The following FHIT variants were observed in gnomAD, a reference collection of about 807,000 sequenced individuals.
FHIT encodes the protein fragile histidine triad diadenosine triphosphatase.
Under a neutral mutation model 17.9 loss-of-function variants are expected in FHIT, and 19 were observed. The observed-to-expected ratio is 1.06, with a 90% CI of 0.74 to 1.56. The LOEUF is 1.56. Ranked by LOEUF, FHIT falls within the 40% of genes most tolerant of loss-of-function variation. The probability of loss-of-function intolerance (pLI) is 0.00; values close to 1 mark genes in which losing one functional copy is unlikely to be tolerated. For synonymous variants in FHIT, 81 were observed against 69.7 expected (o/e 1.16, Z -0.81); for missense variants, 248 against 189.2 (o/e 1.31, Z -1.82).
At chr3:61,216,954 T>G (rs557642751) in intron 1 of FHIT, among the ~76,000 whole-genome samples, 2 of 124,254 alleles carry the variant, frequency 1.6e-5, no homozygotes, top group African/African-American at 6.3e-5. Flanking sequence ...TGAGAACACA[T>G]GGACACAGGA....
At chr3:60,523,474 G>A (rs1196026373) in intron 5 of FHIT, among the ~76,000 whole-genome samples, 1 of 152,076 alleles carries the variant, frequency 6.6e-6, no homozygotes, top group East Asian at 1.9e-4. Context: ...ATCAGAAGAA[G>A]GTTTCATCAA....
chr3:60,963,618 T>C (rs1385809429), intron 3 of FHIT, among the ~76,000 whole-genome samples: 3 of 152,230 alleles, frequency 2.0e-5, no homozygotes, highest in Admixed American at 2.0e-4. Flanking sequence ...CCAGAGATTC[T>C]GGTATGTTGT....
chr3:59,920,663 T>C (rs190389592), intron 8 of FHIT, among the ~76,000 whole-genome samples: 11 of 152,376 alleles, frequency 7.2e-5, no homozygotes, highest in Non-Finnish European at 1.3e-4. Context: ...TTTACTAGTA[T>C]ATAATTCACG....
rs543813792 is a variant in FHIT at position 60,351,684 on chromosome 3, A to G, written c.103+185176T>C. Among the ~76,000 whole-genome samples, 3 of 152,350 alleles carry G rather than the reference A, an allele frequency of 2.0e-5. No individual in the cohort carries two copies. In the East Asian group the frequency reaches 5.8e-4, roughly 29 times the overall value. ...AAAGCAAGATAAACATTCCTATAGA[A>G]TCCTCCTATTACTACTTGCCCTGGG... On this transcript the variant is annotated intron_variant, in intron 5 of 9. Coordinates refer to ENST00000492590, the MANE Select transcript of FHIT (RefSeq NM_002012.4).
chr3:61,156,422 C>T (rs1437168895), intron 2 of FHIT, among the ~76,000 whole-genome samples: 2 of 152,048 alleles, frequency 1.3e-5, no homozygotes, highest in African/African-American at 2.4e-5. Context: ...GCACCCTGAA[C>T]TTCCTCTTCA....
intron 3 of FHIT, among the ~76,000 whole-genome samples, chr3:60,880,480 C>T (rs1704910255): frequency 6.6e-6 from 1 of 152,216 alleles, no homozygotes; most frequent in Non-Finnish European, 1.5e-5. Flanking sequence ...CGCCTATAAT[C>T]CCAGAATTTT....
At chr3:60,678,969 A>AC (rs1466608771) in intron 4 of FHIT, among the ~76,000 whole-genome samples, 13 of 151,526 alleles carry the variant, frequency 8.6e-5, no homozygotes, top group Non-Finnish European at 1.5e-4. Flanking sequence ...TTAAAAAAAA[A>AC]AAACAAGCAA....
intron 1 of FHIT, among the ~76,000 whole-genome samples, chr3:61,210,695 G>C (rs1386648092): frequency 6.6e-6 from 1 of 152,130 alleles, no homozygotes; most frequent in Non-Finnish European, 1.5e-5. Context: ...TTTTCCAGGT[G>C]CCATCTGTCA....
chr3:60,726,804 T>C (rs2041925272), intron 4 of FHIT, among the ~76,000 whole-genome samples: 1 of 152,214 alleles, frequency 6.6e-6, no homozygotes, highest in Non-Finnish European at 1.5e-5. Flanking sequence ...AAAGTGCTAA[T>C]TGACCTGCTT....
At chr3:60,252,763 G>C (rs147719117) in intron 5 of FHIT, among the ~76,000 whole-genome samples, 1 of 151,950 alleles carries the variant, frequency 6.6e-6, no homozygotes, top group African/African-American at 2.4e-5. Flanking sequence ...GGCCGAGGCC[G>C]GTGGATCACT....
At chr3:60,687,227 T>C (rs1257300690) in intron 4 of FHIT, among the ~76,000 whole-genome samples, 2 of 152,212 alleles carry the variant, frequency 1.3e-5, no homozygotes, top group Non-Finnish European at 2.9e-5. Context: ...AAAAGGAGTC[T>C]CTATTTATTA....
intron 7 of FHIT, among the ~76,000 whole-genome samples, chr3:59,997,882 A>G (rs754925353): frequency 6.6e-6 from 1 of 152,090 alleles, no homozygotes; most frequent in African/African-American, 2.4e-5. Context: ...TGCTGTGGCT[A>G]TCTTTTATTT....
At chr3:60,277,775 A>G (rs1050489059) in intron 5 of FHIT, among the ~76,000 whole-genome samples, 2 of 152,134 alleles carry the variant, frequency 1.3e-5, no homozygotes, top group Non-Finnish European at 2.9e-5. Context: ...TCTTTTGCCT[A>G]TTAATCCTCA....
At chr3:60,568,585 TAC>T (rs1386971548) in intron 4 of FHIT, among the ~76,000 whole-genome samples, 2 of 151,954 alleles carry the variant, frequency 1.3e-5, no homozygotes, top group Admixed American at 1.3e-4. Flanking sequence ...TCTGCACATG[TAC>T]CCTGAAACTT....
chr3:59,756,649 A>G (rs1701235792), intron 8 of FHIT, among the ~76,000 whole-genome samples: 1 of 152,194 alleles, frequency 6.6e-6, no homozygotes, highest in Admixed American at 6.5e-5. Context: ...AGACCCCTTA[A>G]AAAGGTGTCA....
intron 3 of FHIT, among the ~76,000 whole-genome samples, chr3:61,015,899 T>C (rs2107634582): frequency 6.6e-6 from 1 of 152,336 alleles, no homozygotes; most frequent in Non-Finnish European, 1.5e-5. Context: ...ACAATACAGA[T>C]CTTCAGAGGA....
At chr3:59,937,788 T>C (rs3772453) in intron 7 of FHIT, among the ~76,000 whole-genome samples, 16,695 of 152,248 alleles carry the variant, frequency 0.11, 1,368 homozygotes, top group East Asian at 0.35. Context: ...ACATTCGGCA[T>C]AAATAGAATT....
chr3:61,232,178 G>T (rs995428864), intron 1 of FHIT, among the ~76,000 whole-genome samples: 1 of 152,158 alleles, frequency 6.6e-6, no homozygotes. Context: ...GAGGCCAGGA[G>T]TTCGAGACCA....
intron 5 of FHIT, among the ~76,000 whole-genome samples, chr3:60,066,825 T>A (rs1281802288): frequency 6.6e-6 from 1 of 151,746 alleles, no homozygotes; most frequent in African/African-American, 2.4e-5. Flanking sequence ...CCCGGCTAAT[T>A]TTTTATATTT....
Sources: gnomAD v4.1 joint callset for allele counts (sites outside exome capture counted in the v4.1 genomes callset) on GRCh38, gnomAD v4.1.1 for gene constraint, MANE v1.5 for transcripts, NCBI Gene and HGNC (gene_info 2026-07-23, HGNC 2026-07-21) for gene names.